The following SEC23B variants were observed in gnomAD, a reference collection of about 807,000 sequenced individuals.
The protein encoded by SEC23B is protein transport protein Sec23B.
Under a neutral mutation model 104.3 loss-of-function variants are expected in SEC23B, and 77 were observed. The ratio of observed to expected loss-of-function variants is 0.74; its 90% confidence interval spans 0.61 to 0.89. The LOEUF (loss-of-function observed/expected upper bound fraction) is 0.89, where lower values mean the gene tolerates loss of function less well. SEC23B is among the 40% of genes least tolerant of loss of function. The pLI, the probability that SEC23B is intolerant of heterozygous loss-of-function variation, is 0.00. For missense variants in SEC23B, 885 were observed against 949.4 expected, an observed-to-expected ratio of 0.93 and a Z score of 0.89; for synonymous variants, 338 against 332.5, an observed-to-expected ratio of 1.02 and a Z score of -0.18.
Position 18,542,909 on chromosome 20 carries a change from G to T in SEC23B, c.1512-110G>T, listed in dbSNP as rs964528120. On this transcript the variant is annotated intron_variant, in intron 13 of 19. Coordinates refer to ENST00000650089, the MANE Select transcript of SEC23B (RefSeq NM_006363.6). ...CCACCTTGCCCTCCCAAAGTGTTGG[G>T]ATTTCAGGAATGAGCCACTGCACCT... The T allele has an allele frequency of 1.4e-5, 19 of 1,399,964 alleles. No homozygotes were observed. In the Admixed American group the frequency reaches 3.2e-4, roughly 23 times the overall value. The allele number at this position is 1,399,964 out of a possible 1,614,324, so 86.7% of individuals were successfully genotyped here. A position where few individuals can be genotyped will look rare whatever the true frequency, so the allele number is the denominator to read the frequency against.
chr20:18,536,714 A>G (rs2060234963), intron 12 of SEC23B, among the ~76,000 whole-genome samples: 2 of 151,980 alleles, frequency 1.3e-5, no homozygotes, highest in Admixed American at 6.6e-5. Flanking sequence ...AAATCCACAT[A>G]TAACTTTAAC....
At chr20:18,550,934 A>G (rs1384035676) in intron 16 of SEC23B, among the ~76,000 whole-genome samples, 155 bp from the exon 17 acceptor site, 1 of 152,238 alleles carries the variant, frequency 6.6e-6, no homozygotes, top group African/African-American at 2.4e-5. Context: ...AAGTGGAAGT[A>G]TGTCAGGAAG....
chr20:18,525,666 A>C, intron 6 of SEC23B, 122 bp from the exon 7 acceptor site: 1 of 1,067,676 alleles, frequency 9.4e-7, no homozygotes, highest in South Asian at 1.4e-5. Flanking sequence ...TGAAGAAAAA[A>C]ATTACCAGTC....
In SEC23B at chr20:18,545,955, G is replaced by T. The variant is rs1387519993; in HGVS notation, c.1666-1G>T. Reference sequence around the variant, plus strand: ...TGTTTTTTGGTATTTTCTTTCCATAGTGTCAAAAGTTTGGACAGTATAACA... The same window carrying T: ...TGTTTTTTGGTATTTTCTTTCCATATTGTCAAAAGTTTGGACAGTATAACA... On this transcript the variant is annotated splice_acceptor_variant, in intron 14 of 19. Coordinates refer to ENST00000650089, the MANE Select transcript of SEC23B (RefSeq NM_006363.6). LOFTEE classifies it high-confidence loss of function. 1.3e-6 allele frequency: 2 copies of T among 1,546,464 alleles called. No individual in the cohort carries two copies. The highest frequency in any genetic ancestry group is 4.5e-5 in the East Asian group (2 of 44,500).
chr20:18,554,024 A>C (rs1158837268), intron 17 of SEC23B, among the ~76,000 whole-genome samples: 1 of 152,212 alleles, frequency 6.6e-6, no homozygotes, highest in African/African-American at 2.4e-5. Flanking sequence ...GACGCCTGAC[A>C]TTCCTGGGGG....
intron 1 of SEC23B, chr20:18,509,484 G>T (rs1417854893): frequency 6.6e-6 from 1 of 152,178 alleles, no homozygotes; most frequent in Non-Finnish European, 1.5e-5. Context: ...TAGCTGAGTT[G>T]TGTGTTACCC....
rs183339113 is a variant in SEC23B at position 18,559,796 on chromosome 20, A to G, written c.2215-855A>G. On this transcript the variant is annotated intron_variant, in intron 19 of 19. Coordinates refer to ENST00000650089, the MANE Select transcript of SEC23B (RefSeq NM_006363.6). ...CACTGCTGTGCATCCTTGGGTCCCA[A>G]GGTCTTTAGTTTTTCTGTCTTCTCT... Among the ~76,000 whole-genome samples, 27 of 152,162 alleles carry G rather than the reference A, an allele frequency of 1.8e-4. 2 individuals are homozygous for G. The highest frequency in any genetic ancestry group is 8.3e-4 in the South Asian group (4 of 4,820).
intron 11 of SEC23B, 81 bp downstream of exon 11, chr20:18,532,825 T>G: frequency 1.0e-6 from 1 of 990,518 alleles, no homozygotes; most frequent in Non-Finnish European, 1.6e-6. Flanking sequence ...TGATCTCACA[T>G]GTGTCACCTG....
intron 6 of SEC23B, 124 bp downstream of exon 6, chr20:18,525,144 A>G: frequency 3.1e-6 from 3 of 952,408 alleles, no homozygotes; most frequent in Non-Finnish European, 4.9e-6. Flanking sequence ...TAAATGATTA[A>G]GCCTAATCAA....
chr20:18,554,377 A>G lies in SEC23B; in HGVS notation c.2135A>G (p.His712Arg). The change falls in exon 18 of 20, where the codon CAT becomes CGT. Residue 712 changes from histidine to arginine, a missense_variant. Coordinates refer to ENST00000650089, the MANE Select transcript of SEC23B (RefSeq NM_006363.6). ...FPMPRYINTEHGGSQARFLLS... is the reference protein window; with the variant it reads ...FPMPRYINTERGGSQARFLLS... The stretch of plus-strand genomic sequence containing the variant: ...ATGCCACGTTACATCAACACGGAGC[A>G]TGGAGGCAGTCAGGTGAGTGAGCTG... 1 of 1,614,194 alleles carries G rather than the reference A, an allele frequency of 6.2e-7. No individual in the cohort carries two copies. The highest frequency in any genetic ancestry group is 8.5e-7 in the Non-Finnish European group (1 of 1,180,026).
Position 18,537,424 on chromosome 20 carries a change from G to A in SEC23B, c.1404+1682G>A, listed in dbSNP as rs557647604. Among the ~76,000 whole-genome samples the A allele has an allele frequency of 1.0e-3, 152 of 151,784 alleles. 1 individual carries two copies. Among genetic ancestry groups the A allele is most frequent in the African/African-American group, 3.6e-3 (149 of 41,420 alleles). On this transcript the variant is annotated intron_variant, in intron 12 of 19. Coordinates refer to ENST00000650089, the MANE Select transcript of SEC23B (RefSeq NM_006363.6). ...ACTATGCAGCCATAAAAAACGATGA[G>A]TTCATGTCCTTTGTAGGGACATGGA...
chr20:18,549,110 A>T (rs2060361981), intron 16 of SEC23B, among the ~76,000 whole-genome samples: 1 of 152,052 alleles, frequency 6.6e-6, no homozygotes, highest in Non-Finnish European at 1.5e-5. Flanking sequence ...AAAAAAAAAT[A>T]GTAAAGGAAC....
At position 18,548,748 on chromosome 20, in the gene SEC23B, A is replaced by C. The variant is rs760835514; in HGVS notation, c.1883A>C (p.Tyr628Ser). The change falls in exon 16 of 20, where the codon TAC becomes TCC. Residue 628 changes from tyrosine to serine, a missense_variant. Coordinates refer to ENST00000650089, the MANE Select transcript of SEC23B (RefSeq NM_006363.6). ...LIMIQPILYSYSFHGPPEPVL... is the reference protein window; with the variant it reads ...LIMIQPILYSSSFHGPPEPVL... ...ATGATCCAGCCCATTCTCTACTCTT[A>C]CTCCTTTCATGGGCCACCAGAGGTG... The C allele has an allele frequency of 1.2e-6, 2 of 1,613,510 alleles. No homozygotes were observed. The highest frequency in any genetic ancestry group is 8.5e-7 in the Non-Finnish European group (1 of 1,179,924).
rs1325299734 is a variant in SEC23B at position 18,515,659 on chromosome 20, G to C, written c.289G>C (p.Ala97Pro). The change falls in exon 4 of 20, where the codon GCT becomes CCT. Residue 97 changes from alanine to proline, a missense_variant. Coordinates refer to ENST00000650089, the MANE Select transcript of SEC23B (RefSeq NM_006363.6). ...FCFQRNQFPP[A>P]YGGISEVNQP... is the part of the protein sequence containing the mutation. ...GTTTCCTTCTTTTCAGTTTCCTCCA[G>C]CTTATGGAGGCATATCTGAGGTGAA... 6.2e-7 allele frequency: 1 copy of C among 1,604,530 alleles called. No homozygotes were observed. The highest frequency in any genetic ancestry group is 2.2e-5 in the East Asian group (1 of 44,846).
chr20:18,509,100 G>T (rs1413604432), intron 1 of SEC23B, among the ~76,000 whole-genome samples: 1 of 152,218 alleles, frequency 6.6e-6, no homozygotes, highest in Non-Finnish European at 1.5e-5. Context: ...GCTGAGAGTT[G>T]TGATAGAACT....
At chr20:18,540,963 C>G (rs2060282122) in intron 12 of SEC23B, among the ~76,000 whole-genome samples, 1 of 152,228 alleles carries the variant, frequency 6.6e-6, no homozygotes, top group South Asian at 2.1e-4. Flanking sequence ...TATGAGAATC[C>G]TAGATAGCAT....
At chr20:18,517,136 G>A (rs530039177) in intron 4 of SEC23B, among the ~76,000 whole-genome samples, 26 of 152,102 alleles carry the variant, frequency 1.7e-4, no homozygotes, top group Non-Finnish European at 2.9e-4. Flanking sequence ...TCATGTGTCC[G>A]TGTGAAGAGA....
At chr20:18,513,604 A>C (rs116639514) in intron 3 of SEC23B, among the ~76,000 whole-genome samples, 2 of 152,242 alleles carry the variant, frequency 1.3e-5, no homozygotes, top group Non-Finnish European at 2.9e-5. Context: ...ACTCATTCTC[A>C]GATACAGCAT....
chr20:18,531,973 A>C (rs13045674), intron 10 of SEC23B, among the ~76,000 whole-genome samples: 29,554 of 152,116 alleles, frequency 0.19, 3,047 homozygotes, highest in East Asian at 0.36. Flanking sequence ...CGGGAAAATC[A>C]CATGTGCCCA....
Sources: gnomAD v4.1 joint callset for allele counts (sites outside exome capture counted in the v4.1 genomes callset) on GRCh38, gnomAD v4.1.1 for gene constraint, MANE v1.5 for transcripts, NCBI Gene and HGNC (gene_info 2026-07-23, HGNC 2026-07-21) for gene names.